The following ODF2 variants were observed in gnomAD, a reference collection of about 807,000 sequenced individuals.
ODF2 encodes outer dense fiber protein 2.
In ODF2, 47 loss-of-function variants were observed where a neutral mutation model predicts 110.2. That is an observed-to-expected ratio of 0.43 (90% CI 0.34 to 0.54). The LOEUF (loss-of-function observed/expected upper bound fraction) is 0.54. Among genes scored for constraint, ODF2 ranks in the 20% least tolerant of loss-of-function variants. The pLI is 0.03. For missense variants in ODF2, 812 were observed against 1,054.5 expected, an observed-to-expected ratio of 0.77 and a Z score of 3.19; for synonymous variants, 352 against 397.7, an observed-to-expected ratio of 0.89 and a Z score of 1.37.
intron 14 of ODF2, among the ~76,000 whole-genome samples, chr9:128,488,643 G>A (rs766843395): frequency 2.3e-4 from 35 of 152,152 alleles, no homozygotes; most frequent in Non-Finnish European, 4.6e-4. Flanking sequence ...GGGGCCTGCT[G>A]GGCCCCTTCA....
rs115911639 is a variant in ODF2, at chr9:128,473,150, C to T, written c.711+108C>T. 2.9e-3 allele frequency: 4,498 copies of T among 1,531,750 alleles called. 103 individuals are homozygous for T. In the African/African-American group the frequency reaches 0.051, roughly 17 times the overall value. 94.9% of individuals were successfully genotyped at this position (1,531,750 alleles called of 1,614,324 possible). ...CATCAGGCAGACTTTATGACATCTT[C>T]AGGCTGGGGGAGAGCACGCTTAACT... On this transcript the variant is annotated intron_variant, in intron 7 of 20. Coordinates refer to ENST00000604420, the Ensembl canonical transcript of ODF2.
rs548647553 is a variant in ODF2 at position 128,483,987 on chromosome 9, G to A, written c.1037G>A (p.Arg346His). ...CTTTCTAAATCCATGGAGTCCATGC[G>A]TGGGCATTTGCAGGCACAGCTTCGG... The change falls in exon 11 of 21, where the codon CGT (arginine) becomes CAT (histidine). Residue 346 changes from arginine to histidine, a missense_variant. By Grantham distance (29) the Arg-to-His change is conservative. Coordinates refer to ENST00000604420, the Ensembl canonical transcript of ODF2. 467 of 1,613,830 alleles carry A rather than the reference G, an allele frequency of 2.9e-4. 8 individuals carry two copies. In the South Asian group the frequency reaches 5.0e-3, roughly 17 times the overall value.
chr9:128,498,630 A>C (rs2132340568), intron 19 of ODF2, 55 bp downstream of exon 19: 1 of 981,272 alleles, frequency 1.0e-6, no homozygotes, highest in African/African-American at 1.6e-5. Flanking sequence ...AATCACCTAA[A>C]CTCTCAGCTT....
chr9:128,482,198 G>A (rs1311448390), intron 9 of ODF2, among the ~76,000 whole-genome samples: 1 of 152,222 alleles, frequency 6.6e-6, no homozygotes, highest in Non-Finnish European at 1.5e-5. Flanking sequence ...CTGTATTAAT[G>A]CTTTTGTAAG....
upstream of ODF2, chr9:128,456,009 C>T (rs933680374): frequency 1.8e-5 from 26 of 1,418,658 alleles, no homozygotes; most frequent in Middle Eastern, 3.9e-4. Flanking sequence ...GCCCTTCTGG[C>T]GGGGCGGGGC....
upstream of ODF2, among the ~76,000 whole-genome samples, chr9:128,455,669 G>A: frequency 7.8e-6 from 1 of 127,964 alleles, no homozygotes; most frequent in South Asian, 2.5e-4. Flanking sequence ...CAGAGGCGAT[G>A]TGGGCAGGGG....
intron 3 of ODF2, chr9:128,460,164 T>A: frequency 7.7e-7 from 1 of 1,298,762 alleles, no homozygotes; most frequent in Non-Finnish European, 1.0e-6. Context: ...CCAGTTGAGA[T>A]CACTGTGTAG....
At chr9:128,492,595 T>C in intron 15 of ODF2, 59 bp downstream of exon 15, 1 of 1,521,012 alleles carries the variant, frequency 6.6e-7, no homozygotes, top group Non-Finnish European at 9.1e-7. Flanking sequence ...CCCATCAGAC[T>C]GGGGGCTCCC....
At chr9:128,468,530 AT>A (rs1001063148) in intron 4 of ODF2, among the ~76,000 whole-genome samples, 39 of 145,840 alleles carry the variant, frequency 2.7e-4, no homozygotes, top group Non-Finnish European at 2.7e-4. Flanking sequence ...CACCCACCTG[AT>A]TTTTTTTTTT....
intron 5 of ODF2, 92 bp from the exon 6 acceptor site, chr9:128,471,216 G>A: frequency 1.5e-6 from 2 of 1,330,004 alleles, no homozygotes; most frequent in South Asian, 1.5e-5. Context: ...GCCCGGCCGG[G>A]GCCTTATTTT....
At position 128,460,996 on chromosome 9, in the gene ODF2, C is replaced by T. The variant is rs373404191; in HGVS notation, c.178C>T (p.Arg60Trp). 1.1e-4 allele frequency: 185 copies of T among 1,613,982 alleles called. No homozygotes were observed. The highest frequency in any genetic ancestry group is 1.4e-4 in the Non-Finnish European group (168 of 1,180,004). Reference sequence around the variant, plus strand: ...CACTGTGAATGTGCGGCGGAGTGTCCGGGTGAAAACCAAGGTACCTTGGAT... The same window carrying T: ...CACTGTGAATGTGCGGCGGAGTGTCTGGGTGAAAACCAAGGTACCTTGGAT... The change falls in exon 4 of 21, where the codon CGG (arginine) becomes TGG (tryptophan). Residue 60 changes from arginine to tryptophan, a missense_variant. Coordinates refer to ENST00000604420, the Ensembl canonical transcript of ODF2.
At position 128,469,093 on chromosome 9, in the gene ODF2, C is replaced by T. The variant is rs182777952; in HGVS notation, c.250-90C>T. 2.9e-3 allele frequency: 3,730 copies of T among 1,294,766 alleles called. 10 individuals carry two copies. The highest frequency in any genetic ancestry group is 3.6e-3 in the Non-Finnish European group (3,296 of 924,338). 80.2% of individuals were successfully genotyped at this position (1,294,766 alleles called of 1,614,324 possible). On this transcript the variant is annotated intron_variant, in intron 4 of 20. Transcript: ENST00000604420. ...CCGAGTTAGCTGTTACAGCTTTTCCCGTCTAATCAGTAAATAAGCCTCCAG... is the reference window on the plus strand; with the variant it reads ...CCGAGTTAGCTGTTACAGCTTTTCCTGTCTAATCAGTAAATAAGCCTCCAG...
chr9:128,467,435 CTTCTT>C (rs1221799211), intron 4 of ODF2, among the ~76,000 whole-genome samples: 2 of 152,008 alleles, frequency 1.3e-5, no homozygotes, highest in African/African-American at 2.4e-5. Flanking sequence ...TTAAAAGTAA[CTTCTT>C]TTCTTCTAAA....
intron 8 of ODF2, among the ~76,000 whole-genome samples, chr9:128,476,407 C>A (rs1050062611): frequency 1.3e-5 from 2 of 152,070 alleles, no homozygotes; most frequent in African/African-American, 4.8e-5. Context: ...CCTGTCTCAG[C>A]CTCCCTAGTA....
chr9:128,462,801 G>A (rs1311558174), intron 4 of ODF2, among the ~76,000 whole-genome samples: 5 of 151,706 alleles, frequency 3.3e-5, no homozygotes, highest in Non-Finnish European at 7.4e-5. Context: ...CACCGTGTTA[G>A]CCAGGATGGT....
At chr9:128,456,073 G>T (rs763132512), upstream of ODF2, 8 of 1,523,554 alleles carry the variant, frequency 5.3e-6, no homozygotes, top group Non-Finnish European at 7.1e-6. Flanking sequence ...GCGGCTCCCG[G>T]GGGGGTTTGA....
intron 13 of ODF2, 74 bp from the exon 14 acceptor site, chr9:128,487,816 C>T: frequency 6.6e-7 from 1 of 1,511,816 alleles, no homozygotes; most frequent in East Asian, 2.3e-5. Context: ...CACACACACA[C>T]ACACACACAC....
chr9:128,469,014 A>T (rs1839033149), intron 4 of ODF2, 169 bp from the exon 5 acceptor site: 1 of 576,770 alleles, frequency 1.7e-6, no homozygotes, highest in Non-Finnish European at 3.1e-6. Context: ...TCATTTAAAC[A>T]TGGATAGGTA....
rs775129088 is a variant in ODF2, at chr9:128,481,656, C to T, written c.915+5C>T. On this transcript the variant is annotated splice_donor_5th_base_variant and intron_variant, in intron 9 of 20. Coordinates refer to ENST00000604420, the Ensembl canonical transcript of ODF2. ...GAGGCCGACTCAGAGAAAGCGGTAA[C>T]TAAGGCTGCCCTTGTCTACTCTAGT... The T allele has an allele frequency of 3.7e-6, 6 of 1,612,758 alleles. No individual in the cohort carries two copies. The Admixed American group carries it at 6.7e-5, about 18-fold the overall frequency.
Sources: allele counts gnomAD v4.1 joint callset (sites outside exome capture counted in the v4.1 genomes callset), GRCh38; gene constraint gnomAD v4.1.1; transcripts MANE v1.5; gene names NCBI Gene and HGNC (gene_info 2026-07-23, HGNC 2026-07-21).